Variants in ZNF573 observed in about 807,000 individuals in gnomAD.
The protein encoded by ZNF573 is zinc finger protein 573.
ZNF573 carries 41 observed loss-of-function variants against 57.4 expected under a neutral mutation model. The observed-to-expected ratio is 0.71, with a 90% CI of 0.56 to 0.93. The LOEUF is 0.93. Among genes scored for constraint, ZNF573 ranks in the 40% least tolerant of loss-of-function variants. The probability of loss-of-function intolerance (pLI) is 0.00; values close to 1 mark genes in which losing one functional copy is unlikely to be tolerated. For synonymous variants in ZNF573, 249 were observed against 261.0 expected (o/e 0.95, Z 0.44); for missense variants, 730 against 794.8 (o/e 0.92, Z 0.98).
Position 37,739,383 on chromosome 19 carries a change from C to T in ZNF573, c.1107G>A (p.Leu369=). Residue 369 remains leucine, a synonymous_variant, in exon 5 of 5, where the codon TTG becomes TTA. Coordinates refer to ENST00000536220, the MANE Select transcript of ZNF573 (RefSeq NM_001172690.2). The stretch of plus-strand genomic sequence containing the variant: ...TCTGATGCCGAGTAAGATTTCTATA[C>T]AAAGTAAAGGTTTTCTTACACTCCT... ...ECKECKKTFT[L]YRNLTRHQNI... The T allele has an allele frequency of 2.5e-6, 4 of 1,613,780 alleles. No homozygotes were observed. The highest frequency in any genetic ancestry group is 3.4e-6 in the Non-Finnish European group (4 of 1,179,942).
chr19:37,759,007 A>T (rs907399778), intron 4 of ZNF573: 1 of 438,468 alleles, frequency 2.3e-6, no homozygotes, highest in Non-Finnish European at 3.0e-6. Flanking sequence ...ATATATCAAT[A>T]TATCTAATAT....
chr19:37,764,126 C>A (rs1419897079), intron 4 of ZNF573, among the ~76,000 whole-genome samples: 3 of 150,202 alleles, frequency 2.0e-5, no homozygotes, highest in African/African-American at 7.3e-5. Flanking sequence ...TTAATTTTAT[C>A]ATCACTGGAG....
At chr19:37,760,879 C>T (rs2045545644) in intron 4 of ZNF573, among the ~76,000 whole-genome samples, 1 of 150,990 alleles carries the variant, frequency 6.6e-6, no homozygotes, top group Non-Finnish European at 1.5e-5. Context: ...GCAAAATCAT[C>T]AGTAGGCAAA....
chr19:37,773,389 T>C (rs1292407248), intron 2 of ZNF573, among the ~76,000 whole-genome samples: 1 of 152,226 alleles, frequency 6.6e-6, no homozygotes, highest in African/African-American at 2.4e-5. Context: ...TAGTTCCCTG[T>C]TGAGACTTCA....
intron 4 of ZNF573, among the ~76,000 whole-genome samples, chr19:37,762,825 G>A (rs1038684239): frequency 6.6e-6 from 1 of 150,440 alleles, no homozygotes; most frequent in Non-Finnish European, 1.5e-5. Flanking sequence ...AGGCTGGAGT[G>A]CAGTGGTGCG....
intron 4 of ZNF573, among the ~76,000 whole-genome samples, chr19:37,766,123 G>A (rs552466671): frequency 6.6e-6 from 1 of 152,242 alleles, no homozygotes; most frequent in South Asian, 2.1e-4. Context: ...AATAGTAGGT[G>A]ATGTAAAAAA....
Position 37,774,054 on chromosome 19 carries a change from T to A in ZNF573, c.-22-303A>T, listed in dbSNP as rs536571959. 3.3e-5 allele frequency among the ~76,000 whole-genome samples: 5 copies of A among 151,490 alleles called. No individual in the cohort carries two copies. In the East Asian group the frequency reaches 9.7e-4, roughly 29 times the overall value. On this transcript the variant is annotated intron_variant, in intron 1 of 4. Coordinates refer to ENST00000536220, the MANE Select transcript of ZNF573 (RefSeq NM_001172690.2). The stretch of plus-strand genomic sequence containing the variant: ...GAGATTAGGCTGCTCAGTTTCTCCA[T>A]GAGAAGATTCACTTGCCTTCATTCC...
At chr19:37,775,988 C>T (rs1444797218) in intron 1 of ZNF573, among the ~76,000 whole-genome samples, 1 of 151,992 alleles carries the variant, frequency 6.6e-6, no homozygotes, top group African/African-American at 2.4e-5. Flanking sequence ...TCATAGATGA[C>T]ACAAACAGAT....
At chr19:37,745,125 A>T (rs2045368656) in intron 4 of ZNF573, among the ~76,000 whole-genome samples, 1 of 151,780 alleles carries the variant, frequency 6.6e-6, no homozygotes, top group African/African-American at 2.4e-5. Context: ...CTCAGGCTGG[A>T]GTGCAGTGGT....
chr19:37,750,576 A>G (rs35462777), intron 4 of ZNF573, among the ~76,000 whole-genome samples: 68,686 of 151,954 alleles, frequency 0.45, 17,780 homozygotes, highest in Non-Finnish European at 0.61. Context: ...ATGGAGGAAA[A>G]AAATCGTATG....
chr19:37,756,558 T>C (rs1473899173), intron 4 of ZNF573, among the ~76,000 whole-genome samples: 1 of 152,122 alleles, frequency 6.6e-6, no homozygotes, highest in African/African-American at 2.4e-5. Context: ...ATATTACTAA[T>C]ATTAATGACT....
intron 4 of ZNF573, among the ~76,000 whole-genome samples, chr19:37,757,640 C>A (rs1349885567): frequency 1.3e-5 from 2 of 152,138 alleles, no homozygotes; most frequent in African/African-American, 4.8e-5. Flanking sequence ...GTGGCGATTC[C>A]TCAGGGATCT....
chr19:37,739,695 C>T lies in ZNF573; in HGVS notation c.795G>A (p.Gln265=). The change falls in exon 5 of 5, where the codon CAG becomes CAA. Residue 265 remains glutamine, a synonymous_variant. Transcript: ENST00000536220. ...ATGGTTTTTCGCCAGTATGAACTCTCTGATGAATTCTAAGATGTCCACCTT... is the reference window on the plus strand; with the variant it reads ...ATGGTTTTTCGCCAGTATGAACTCTTTGATGAATTCTAAGATGTCCACCTT... ...FSQGGHLRIH[Q]RVHTGEKPYK... is the part of the protein sequence containing the mutation. 1 of 1,613,758 alleles carries T rather than the reference C, an allele frequency of 6.2e-7. No individual in the cohort carries two copies. Among genetic ancestry groups the T allele is most frequent in the Non-Finnish European group, 8.5e-7 (1 of 1,179,858 alleles).
chr19:37,742,857 C>T (rs1317340820), intron 4 of ZNF573, among the ~76,000 whole-genome samples: 3 of 152,144 alleles, frequency 2.0e-5, no homozygotes, highest in African/African-American at 7.2e-5. Flanking sequence ...ACCTTCTGCA[C>T]AGGAAAAGAA....
chr19:37,738,889 GT>G lies in ZNF573; in HGVS notation c.1600del (p.Thr534ProfsTer130). 2 of 1,608,700 alleles carry G rather than the reference GT, an allele frequency of 1.2e-6. No individual in the cohort carries two copies. Among genetic ancestry groups the G allele is most frequent in the Non-Finnish European group, 1.7e-6 (2 of 1,177,326 alleles). ...AGTAAGATTTCTATAGAAAGTAAAG[GT>G]TTTTCTACATACCTTACATTCATAG... ...KPYECKVCRK[T>X]FTFYRNLTLH... On this transcript the variant is annotated frameshift_variant, in exon 5 of 5. Transcript: ENST00000536220. LOFTEE classifies it high-confidence loss of function.
intron 1 of ZNF573, among the ~76,000 whole-genome samples, chr19:37,774,301 C>A (rs962186389): frequency 3.9e-5 from 6 of 151,904 alleles, no homozygotes; most frequent in Non-Finnish European, 5.9e-5. Context: ...CCACACCTAG[C>A]TAATTTTTTT....
Position 37,738,329 on chromosome 19 carries a change from T to G in ZNF573, c.*163A>C, listed in dbSNP as rs184630429. ...TAATTTACCATTGAATAGTCAGATA[T>G]TCCATTAAAACAGGACTGACATTGA... On this transcript the variant is annotated 3_prime_UTR_variant, in exon 5 of 5. Transcript: ENST00000536220. 5.7e-4 allele frequency: 356 copies of G among 622,086 alleles called. No homozygotes were observed. Among genetic ancestry groups the G allele is most frequent in the Non-Finnish European group, 5.6e-4 (226 of 404,938 alleles). 38.5% of individuals were successfully genotyped at this position (622,086 alleles called of 1,614,324 possible).
At chr19:37,744,159 C>G (rs1449432889) in intron 4 of ZNF573, among the ~76,000 whole-genome samples, 1 of 151,448 alleles carries the variant, frequency 6.6e-6, no homozygotes, top group Non-Finnish European at 1.5e-5. Flanking sequence ...CACACAGATA[C>G]ACCAAAAAGG....
At position 37,739,669 on chromosome 19, in the gene ZNF573, T is replaced by C. The variant is rs1599680224; in HGVS notation, c.821A>G (p.Tyr274Cys). 6.2e-7 allele frequency: 1 copy of C among 1,614,010 alleles called. No individual in the cohort carries two copies. The highest frequency in any genetic ancestry group is 1.1e-5 in the South Asian group (1 of 91,052). The change falls in exon 5 of 5, where the codon TAT becomes TGT. Residue 274 changes from tyrosine to cysteine, a missense_variant. Transcript: ENST00000536220. ...AGTCTTCCCACATTCCTTACATTTA[T>C]ATGGTTTTTCGCCAGTATGAACTCT... Reference protein sequence around the residue: ...HQRVHTGEKPYKCKECGKTFS... With the variant: ...HQRVHTGEKPCKCKECGKTFS...
Sources: allele counts gnomAD v4.1 joint callset (sites outside exome capture counted in the v4.1 genomes callset), GRCh38; gene constraint gnomAD v4.1.1; transcripts MANE v1.5; gene names NCBI Gene and HGNC (gene_info 2026-07-23, HGNC 2026-07-21).